Variants in CYB5R3 observed in about 807,000 individuals in gnomAD.
CYB5R3 encodes the protein NADH-cytochrome b5 reductase 3.
A neutral mutation model predicts 36.5 loss-of-function variants in CYB5R3; 28 were observed. The observed-to-expected ratio is 0.77, with a 90% CI of 0.57 to 1.05. The LOEUF (loss-of-function observed/expected upper bound fraction) is 1.05. Ranked by LOEUF, CYB5R3 falls within the 50% of genes least tolerant of loss-of-function variation. The pLI is 0.00. For synonymous variants in CYB5R3, 181 were observed against 159.8 expected (o/e 1.13, Z -1.00); for missense variants, 474 against 408.9 (o/e 1.16, Z -1.37).
At chr22:42,627,916 A>G (rs959105453) in intron 5 of CYB5R3, among the ~76,000 whole-genome samples, 1 of 152,086 alleles carries the variant, frequency 6.6e-6, no homozygotes, top group Non-Finnish European at 1.5e-5. Flanking sequence ...GAGAAAGCCA[A>G]ATAGAGGCTG....
intron 1 of CYB5R3, among the ~76,000 whole-genome samples, chr22:42,643,816 G>A (rs571902834): frequency 6.6e-6 from 1 of 152,140 alleles, no homozygotes; most frequent in African/African-American, 2.4e-5. Flanking sequence ...CAGGAGAGTC[G>A]CTTCACTTCC....
At chr22:42,647,056 C>T (rs1317233124) in intron 1 of CYB5R3, 2 of 845,618 alleles carry the variant, frequency 2.4e-6, no homozygotes, top group East Asian at 1.2e-4. Flanking sequence ...CCCATGGGGC[C>T]TGCATGTCTT....
chr22:42,639,774 C>T (rs1237088381), intron 1 of CYB5R3: 2 of 649,984 alleles, frequency 3.1e-6, no homozygotes, highest in Non-Finnish European at 5.1e-6. Flanking sequence ...AAAGGGGCAA[C>T]TTACTCTTAA....
intron 1 of CYB5R3, among the ~76,000 whole-genome samples, chr22:42,637,552 G>A (rs1928962135): frequency 6.6e-6 from 1 of 152,158 alleles, no homozygotes; most frequent in African/African-American, 2.4e-5. Context: ...GCCAGGCACT[G>A]GGAAGGTCAC....
At chr22:42,644,114 A>G (rs1321940891) in intron 1 of CYB5R3, among the ~76,000 whole-genome samples, 2 of 152,090 alleles carry the variant, frequency 1.3e-5, no homozygotes, top group Non-Finnish European at 2.9e-5. Flanking sequence ...AAGGTCATAT[A>G]GCCATTCAGG....
At chr22:42,638,948 T>C (rs1929070924) in intron 1 of CYB5R3, 5 of 321,516 alleles carry the variant, frequency 1.6e-5, no homozygotes, top group Non-Finnish European at 3.1e-5. Flanking sequence ...GCAGGAGAAA[T>C]GCTTGAAGCT....
chr22:42,627,204 C>G, intron 7 of CYB5R3, 100 bp downstream of exon 7: 1 of 1,009,652 alleles, frequency 9.9e-7, no homozygotes, highest in East Asian at 2.6e-5. Context: ...TCCCCAGAAT[C>G]TCAGCAGAGC....
Position 42,627,658 on chromosome 22 carries a change from G to T in CYB5R3, c.494C>A (p.Ser165Tyr). Reference sequence around the variant, plus strand: ...CTTCACTGTCCTGATGATAGGGTTGGACTTTTTGTCAGGTCGGATGGCGAA... The same window carrying T: ...CTTCACTGTCCTGATGATAGGGTTGTACTTTTTGTCAGGTCGGATGGCGAA... ...GKFAIRPDKKSNPIIRTVKSV... is the reference protein window; with the variant it reads ...GKFAIRPDKKYNPIIRTVKSV... Residue 165 changes from serine to tyrosine, a missense_variant, in exon 6 of 9, where the codon TCC (serine) becomes TAC (tyrosine). Physicochemically the swap from Ser to Tyr is moderately radical, Grantham distance 144. Coordinates refer to ENST00000352397, the MANE Select transcript of CYB5R3 (RefSeq NM_000398.7). 2 of 1,614,164 alleles carry T rather than the reference G, an allele frequency of 1.2e-6. No individual in the cohort carries two copies. Among genetic ancestry groups the T allele is most frequent in the Non-Finnish European group, 1.7e-6 (2 of 1,179,996 alleles).
At chr22:42,627,582 C>A (rs780665595) in intron 6 of CYB5R3, 23 bp downstream of exon 6, 1 of 1,605,324 alleles carries the variant, frequency 6.2e-7, no homozygotes, top group South Asian at 1.1e-5. Context: ...CCGCCGGACG[C>A]CTCAGTGGGG....
chr22:42,628,049 C>T, intron 5 of CYB5R3, 103 bp downstream of exon 5: 2 of 1,505,316 alleles, frequency 1.3e-6, no homozygotes, highest in Non-Finnish European at 1.8e-6. Flanking sequence ...ACGAGAGTCA[C>T]CCATCCACAC....
At chr22:42,623,988 C>A (rs1247672434) in intron 7 of CYB5R3, 100 bp from the exon 8 acceptor site, 11 of 1,037,262 alleles carry the variant, frequency 1.1e-5, no homozygotes, top group Non-Finnish European at 1.5e-5. Context: ...CGCCTGCGGG[C>A]CACACGCTTG....
intron 5 of CYB5R3, 42 bp from the exon 6 acceptor site, chr22:42,627,730 C>T: frequency 6.9e-7 from 1 of 1,454,572 alleles, no homozygotes; most frequent in African/African-American, 1.4e-5. Context: ...TCAAACATGC[C>T]ATGTGTGGTG....
At chr22:42,635,773 C>G (rs1928857697) in intron 2 of CYB5R3, among the ~76,000 whole-genome samples, 1 of 152,188 alleles carries the variant, frequency 6.6e-6, no homozygotes, top group Admixed American at 6.5e-5. Context: ...GTTTTCCCTG[C>G]CACACCCCTC....
chr22:42,619,957 G>A lies in CYB5R3; in HGVS notation c.734-12C>T, dbSNP rs1335663879. On this transcript the variant is annotated splice_polypyrimidine_tract_variant and intron_variant, in intron 8 of 8. Transcript: ENST00000352397. ...GCCGTAGTCCCAGGCTGTGGGGTGAGAGACCAGGTAAGCTGACGTGTGGCT... is the reference window on the plus strand; with the variant it reads ...GCCGTAGTCCCAGGCTGTGGGGTGAAAGACCAGGTAAGCTGACGTGTGGCT... 6.3e-7 allele frequency: 1 copy of A among 1,589,034 alleles called. No homozygotes were observed.
chr22:42,634,639 T>TGATG (rs1928791537), intron 2 of CYB5R3, among the ~76,000 whole-genome samples: 1 of 147,416 alleles, frequency 6.8e-6, no homozygotes, highest in African/African-American at 2.5e-5. Context: ...ATTGATTGAT[T>TGATG]GATTGAGACA....
Position 42,627,673 on chromosome 22 carries a change from C to T in CYB5R3, c.479G>A (p.Arg160Gln), listed in dbSNP as rs147079106. 159 of 1,613,782 alleles carry T rather than the reference C, an allele frequency of 9.9e-5. No homozygotes were observed. Among genetic ancestry groups the T allele is most frequent in the Middle Eastern group, 3.3e-4 (2 of 6,084 alleles). The change falls in exon 6 of 9, where the codon CGA (arginine) becomes CAA (glutamine). Residue 160 changes from arginine (R) to glutamine (Q), a missense_variant. By Grantham distance (43) the Arg-to-Gln change is conservative (BLOSUM62 1). Transcript: ENST00000352397. ...GATAGGGTTGGACTTTTTGTCAGGTCGGATGGCGAACTTCCCTGGGGAGAG... is the reference window on the plus strand; with the variant it reads ...GATAGGGTTGGACTTTTTGTCAGGTTGGATGGCGAACTTCCCTGGGGAGAG... ...VYQGKGKFAI[R>Q]PDKKSNPIIR...
chr22:42,640,122 C>A (rs1293749341), intron 1 of CYB5R3: 2 of 1,613,648 alleles, frequency 1.2e-6, no homozygotes, highest in African/African-American at 2.7e-5. Flanking sequence ...TTTTCAGGCT[C>A]TGAATAGCTC....
In CYB5R3 at chr22:42,625,602, G is replaced by A. The variant is rs567737643; in HGVS notation, c.633+1702C>T. On this transcript the variant is annotated intron_variant, in intron 7 of 8. Coordinates refer to ENST00000352397, the MANE Select transcript of CYB5R3 (RefSeq NM_000398.7). ...ACCATCCTTTGAGGTGGCCACCGCC[G>A]CGACCCACCTGACAGATGAACAGAG... Among the ~76,000 whole-genome samples, 8 of 152,218 alleles carry A rather than the reference G, an allele frequency of 5.3e-5. No homozygotes were observed. In the South Asian group the frequency reaches 1.5e-3, roughly 28 times the overall value.
At chr22:42,640,083 G>A (rs764141942) in intron 1 of CYB5R3, 4 of 1,613,862 alleles carry the variant, frequency 2.5e-6, no homozygotes, top group African/African-American at 1.3e-5. Context: ...GCTGTTTGAA[G>A]CTACCAGTCT....
Sources: gnomAD v4.1 joint callset for allele counts (sites outside exome capture counted in the v4.1 genomes callset) on GRCh38, gnomAD v4.1.1 for gene constraint, MANE v1.5 for transcripts, NCBI Gene and HGNC (gene_info 2026-07-23, HGNC 2026-07-21) for gene names.